The following RRP1B variants were observed in gnomAD, a reference collection of about 807,000 sequenced individuals.
The protein encoded by RRP1B is ribosomal RNA processing 1B.
Under a neutral mutation model 80.2 loss-of-function variants are expected in RRP1B, and 56 were observed. The observed-to-expected ratio is 0.70, with a 90% CI of 0.56 to 0.87. The LOEUF (loss-of-function observed/expected upper bound fraction) is 0.87. Among genes scored for constraint, RRP1B ranks in the 40% least tolerant of loss-of-function variants. The probability of loss-of-function intolerance (pLI) is 0.00; values close to 1 mark genes in which losing one functional copy is unlikely to be tolerated. For missense variants in RRP1B, 807 were observed against 939.8 expected (o/e 0.86, Z 1.85); for synonymous variants, 351 against 357.6 (o/e 0.98, Z 0.21).
At chr21:43,663,083 TA>T (rs2082964472) in intron 1 of RRP1B, among the ~76,000 whole-genome samples, 1 of 152,226 alleles carries the variant, frequency 6.6e-6, no homozygotes, top group East Asian at 1.9e-4. Context: ...CCAAGAGTTA[TA>T]ATAAATAGAA....
chr21:43,693,392 A>C lies in RRP1B; in HGVS notation c.*9A>C. On this transcript the variant is annotated 3_prime_UTR_variant, in exon 16 of 16. Transcript: ENST00000340648. The surrounding 1 kb of genome is among the most constrained non-coding windows in gnomAD (Gnocchi z 4.1). ...CTATGGATTTCTTCTGAGGAGCAGCAGAGTCCCTTGTAAAAGACTGCTTTT... is the reference window on the plus strand; with the variant it reads ...CTATGGATTTCTTCTGAGGAGCAGCCGAGTCCCTTGTAAAAGACTGCTTTT... The C allele has an allele frequency of 6.5e-7, 1 of 1,542,162 alleles. No homozygotes were observed. Among genetic ancestry groups the C allele is most frequent in the Non-Finnish European group, 8.7e-7 (1 of 1,146,918 alleles).
chr21:43,673,771 T>C (rs1344520153), intron 3 of RRP1B, 99 bp from the exon 4 acceptor site: 1 of 676,850 alleles, frequency 1.5e-6, no homozygotes, highest in East Asian at 2.5e-5. Context: ...GAAAAGTGAA[T>C]AATAAATAAT....
chr21:43,660,727 A>AG (rs1221227324), intron 1 of RRP1B, among the ~76,000 whole-genome samples: 1 of 152,088 alleles, frequency 6.6e-6, no homozygotes, highest in African/African-American at 2.4e-5. Flanking sequence ...GGCAGGAAAG[A>AG]GCTTCACGTG....
chr21:43,685,564 G>C (rs1393516563), intron 10 of RRP1B, among the ~76,000 whole-genome samples: 1 of 152,144 alleles, frequency 6.6e-6, no homozygotes, highest in East Asian at 1.9e-4. Flanking sequence ...CTGGCCTTGA[G>C]CTTTTTGGCT....
At chr21:43,672,254 T>C in intron 2 of RRP1B, 54 bp from the exon 3 acceptor site, 1 of 1,533,634 alleles carries the variant, frequency 6.5e-7, no homozygotes, top group Non-Finnish European at 9.0e-7. Context: ...GGCACAGGCA[T>C]CTCATGTTGC....
intron 9 of RRP1B, 101 bp downstream of exon 9, chr21:43,683,474 G>A (rs562583425): frequency 3.8e-5 from 30 of 795,464 alleles, no homozygotes; most frequent in Middle Eastern, 2.4e-4. Flanking sequence ...GGCCTGAAGC[G>A]TAAACTCCTT....
chr21:43,689,457 T>C (rs1261113697), intron 13 of RRP1B, among the ~76,000 whole-genome samples: 1 of 152,212 alleles, frequency 6.6e-6, no homozygotes, highest in African/African-American at 2.4e-5. Context: ...TGCACTGAGC[T>C]GGACGGCAGG....
intron 14 of RRP1B, among the ~76,000 whole-genome samples, chr21:43,690,745 A>G (rs2083083050): frequency 6.6e-6 from 1 of 152,224 alleles, no homozygotes; most frequent in Non-Finnish European, 1.5e-5. Context: ...GTTAAACACA[A>G]GTGGTGCAAG....
chr21:43,675,087 G>T lies in RRP1B; in HGVS notation c.473G>T (p.Ser158Ile). 1 of 1,614,104 alleles carries T rather than the reference G, an allele frequency of 6.2e-7. No homozygotes were observed. Among genetic ancestry groups the T allele is most frequent in the Non-Finnish European group, 8.5e-7 (1 of 1,179,986 alleles). ...ATGAAGGAGGTCCTGTGTCCTGAGA[G>T]TCAGTCTCCTAATGGAGTGAGATTC... is the stretch of plus-strand genomic sequence containing the variant. Reference protein sequence around the residue: ...VLMKEVLCPESQSPNGVRFHF... With the variant: ...VLMKEVLCPEIQSPNGVRFHF... The change falls in exon 6 of 16, where the codon AGT becomes ATT. Residue 158 changes from serine (S) to isoleucine (I), a missense_variant. Transcript: ENST00000340648.
Position 43,691,348 on chromosome 21 carries a change from C to T in RRP1B, c.2020-91C>T, listed in dbSNP as rs776306298. 8 of 1,189,456 alleles carry T rather than the reference C, an allele frequency of 6.7e-6. No homozygotes were observed. The African/African-American group carries it at 9.0e-5, about 13-fold the overall frequency. The allele number at this position is 1,189,456 out of a possible 1,614,324, so 73.7% of individuals were successfully genotyped here. A position where few individuals can be genotyped will look rare whatever the true frequency, so the allele number is the denominator to read the frequency against. On this transcript the variant is annotated intron_variant, in intron 14 of 15. Coordinates refer to ENST00000340648, the MANE Select transcript of RRP1B (RefSeq NM_015056.3). The surrounding 1 kb of genome is among the most constrained non-coding windows in gnomAD (Gnocchi z 4.2). ...AGTAAGCAGCAGTGTGGGCGGCATA[C>T]CCTCCAGGGCAGGTTCTCCAGAAAA... is the stretch of plus-strand genomic sequence containing the variant.
chr21:43,689,829 C>T (rs774025843), intron 13 of RRP1B, among the ~76,000 whole-genome samples: 5 of 152,256 alleles, frequency 3.3e-5, no homozygotes, highest in Admixed American at 6.5e-5. Context: ...GTACGAGACC[C>T]GGTCTCTCTC....
chr21:43,662,097 A>C (rs2082959979), intron 1 of RRP1B, among the ~76,000 whole-genome samples: 1 of 152,216 alleles, frequency 6.6e-6, no homozygotes, highest in Non-Finnish European at 1.5e-5. Context: ...AGTACATGCA[A>C]CCGTAAAAGG....
At chr21:43,665,563 T>C (rs1225511991) in intron 1 of RRP1B, among the ~76,000 whole-genome samples, 1 of 152,244 alleles carries the variant, frequency 6.6e-6, no homozygotes, top group African/African-American at 2.4e-5. Flanking sequence ...TGTTTATTTT[T>C]TGAGATGGAG....
chr21:43,662,994 G>T (rs1431874150), intron 1 of RRP1B, among the ~76,000 whole-genome samples: 2 of 152,176 alleles, frequency 1.3e-5, no homozygotes, highest in Non-Finnish European at 2.9e-5. Flanking sequence ...ACATCTTATG[G>T]TTGATGCTAT....
In RRP1B at chr21:43,695,795, A is replaced by T. The variant is rs2083104944; in HGVS notation, c.*2412A>T. The T allele has an allele frequency of 6.6e-6, 1 of 152,190 alleles. No homozygotes were observed. Among genetic ancestry groups the T allele is most frequent in the African/African-American group, 2.4e-5 (1 of 41,448 alleles). 9.4% of individuals were successfully genotyped at this position (152,190 alleles called of 1,614,324 possible). On this transcript the variant is annotated 3_prime_UTR_variant, in exon 16 of 16. Coordinates refer to ENST00000340648, the MANE Select transcript of RRP1B (RefSeq NM_015056.3). ...CTTCCCCCTTCTCCATGGTCTAGTCAATTTTGTACAATTAGGTATCTGACT... is the reference window on the plus strand; with the variant it reads ...CTTCCCCCTTCTCCATGGTCTAGTCTATTTTGTACAATTAGGTATCTGACT...
chr21:43,690,030 A>G (rs932148347), intron 13 of RRP1B, among the ~76,000 whole-genome samples: 1 of 152,294 alleles, frequency 6.6e-6, no homozygotes, highest in African/African-American at 2.4e-5. Flanking sequence ...TTGAAGATGA[A>G]GATAAAAGTG....
intron 1 of RRP1B, among the ~76,000 whole-genome samples, chr21:43,668,443 G>A (rs2082987173): frequency 6.7e-6 from 1 of 150,314 alleles, no homozygotes; most frequent in Non-Finnish European, 1.5e-5. Flanking sequence ...TCACTGCAAA[G>A]TGCAAACTCC....
At chr21:43,690,708 C>T (rs1389957884) in intron 14 of RRP1B, among the ~76,000 whole-genome samples, 1 of 152,216 alleles carries the variant, frequency 6.6e-6, no homozygotes. Flanking sequence ...TTGCAGAAAC[C>T]AGTTTTCTCT....
intron 1 of RRP1B, among the ~76,000 whole-genome samples, chr21:43,663,640 C>G (rs2082966992): frequency 6.6e-6 from 1 of 152,156 alleles, no homozygotes. Context: ...TCACTGCAAC[C>G]TCCACCTCCC....
Sources: allele counts gnomAD v4.1 joint callset (sites outside exome capture counted in the v4.1 genomes callset), GRCh38; gene constraint gnomAD v4.1.1; non-coding constraint Gnocchi (gnomAD v3.1); transcripts MANE v1.5; gene names NCBI Gene and HGNC (gene_info 2026-07-23, HGNC 2026-07-21).